Variants in MACROD2 observed in about 807,000 individuals in gnomAD.
MACROD2 encodes mono-ADP ribosylhydrolase 2.
MACROD2 carries 36 observed loss-of-function variants against 70.4 expected under a neutral mutation model. That is an observed-to-expected ratio of 0.51 (90% CI 0.39 to 0.68). The LOEUF (loss-of-function observed/expected upper bound fraction) is 0.68. MACROD2 is among the 30% of genes least tolerant of loss of function. The probability of loss-of-function intolerance (pLI) is 0.00; values close to 1 mark genes in which losing one functional copy is unlikely to be tolerated. For missense variants in MACROD2, 496 were observed against 538.4 expected (o/e 0.92, Z 0.78); for synonymous variants, 172 against 178.8 (o/e 0.96, Z 0.30).
intron 3 of MACROD2, among the ~76,000 whole-genome samples, chr20:14,227,996 A>G (rs1321703793): frequency 2.0e-5 from 3 of 152,138 alleles, no homozygotes; most frequent in Non-Finnish European, 4.4e-5. Context: ...TTACAGTACA[A>G]TTGGGCAAGA....
In MACROD2 at chr20:15,479,434, G is replaced by A. The variant is rs554441421; in HGVS notation, c.572-20340G>A. 5.7e-4 allele frequency among the ~76,000 whole-genome samples: 86 copies of A among 151,328 alleles called. No individual in the cohort carries two copies. The East Asian group carries it at 0.014, about 25-fold the overall frequency. On this transcript the variant is annotated intron_variant, in intron 7 of 17. Transcript: ENST00000684519. ...ACTACAGGCGCCCGCCACTACGCCCGGCTAATTTTTTGTATTTTTAGTAGA... is the reference window on the plus strand; with the variant it reads ...ACTACAGGCGCCCGCCACTACGCCCAGCTAATTTTTTGTATTTTTAGTAGA...
At chr20:14,368,117 AT>A in intron 3 of MACROD2, among the ~76,000 whole-genome samples, 1 of 151,998 alleles carries the variant, frequency 6.6e-6, no homozygotes, top group Middle Eastern at 3.4e-3. Flanking sequence ...TAGCTCTTTG[AT>A]TTTTTAAGGA....
At chr20:14,851,165 A>G (rs2073195470) in intron 5 of MACROD2, among the ~76,000 whole-genome samples, 1 of 151,988 alleles carries the variant, frequency 6.6e-6, no homozygotes, top group South Asian at 2.1e-4. Context: ...CCTTTTATGA[A>G]TTATTTTTTA....
At chr20:15,210,325 T>C (rs539339014) in intron 5 of MACROD2, among the ~76,000 whole-genome samples, 19 of 152,346 alleles carry the variant, frequency 1.2e-4, no homozygotes, top group African/African-American at 4.6e-4. Flanking sequence ...TCTGACTCTT[T>C]CCAGTAGCAC....
chr20:15,383,666 A>G (rs937561486), intron 6 of MACROD2, among the ~76,000 whole-genome samples: 2 of 152,326 alleles, frequency 1.3e-5, no homozygotes, highest in East Asian at 3.9e-4. Flanking sequence ...GCAGCCTTGC[A>G]GCATTGATCT....
At chr20:14,044,312 C>T (rs192876932) in intron 2 of MACROD2, among the ~76,000 whole-genome samples, 4 of 152,160 alleles carry the variant, frequency 2.6e-5, no homozygotes, top group East Asian at 1.9e-4. Flanking sequence ...CAGACCTTCG[C>T]GGTGAGTGTT....
At chr20:14,322,990 G>A (rs867826371) in intron 3 of MACROD2, 2 of 152,252 alleles carry the variant, frequency 1.3e-5, no homozygotes. Flanking sequence ...CAAACTCAAA[G>A]TGTGTATGTG....
chr20:14,283,335 A>T (rs1221849562), intron 3 of MACROD2, among the ~76,000 whole-genome samples: 1 of 152,152 alleles, frequency 6.6e-6, no homozygotes, highest in African/African-American at 2.4e-5. Context: ...CATTTGTGAC[A>T]TTATTGTTCA....
chr20:15,707,249 T>G (rs2050549194), intron 8 of MACROD2, among the ~76,000 whole-genome samples: 1 of 152,162 alleles, frequency 6.6e-6, no homozygotes, highest in Non-Finnish European at 1.5e-5. Flanking sequence ...AGAGATCAAT[T>G]AGCTCATCAC....
At chr20:14,835,668 G>C (rs2073021542) in intron 5 of MACROD2, among the ~76,000 whole-genome samples, 1 of 152,056 alleles carries the variant, frequency 6.6e-6, no homozygotes, top group African/African-American at 2.4e-5. Flanking sequence ...CACTTGCTCA[G>C]ATACTGGACC....
intron 8 of MACROD2, among the ~76,000 whole-genome samples, chr20:15,599,168 C>T (rs1479721378): frequency 6.6e-6 from 1 of 151,206 alleles, no homozygotes; most frequent in African/African-American, 2.4e-5. Flanking sequence ...ATCACGAGGT[C>T]AGGAGATCGA....
chr20:14,971,524 A>G (rs552234970), intron 5 of MACROD2, among the ~76,000 whole-genome samples: 1 of 152,268 alleles, frequency 6.6e-6, no homozygotes, highest in African/African-American at 2.4e-5. Context: ...GATAGTTATT[A>G]AATCACCGCA....
At chr20:14,592,637 C>T (rs1981853277) in intron 4 of MACROD2, among the ~76,000 whole-genome samples, 15 of 152,120 alleles carry the variant, frequency 9.9e-5, no homozygotes, top group Admixed American at 9.8e-4. Flanking sequence ...CCATGTTTCC[C>T]AGGCTAGTCT....
intron 8 of MACROD2, among the ~76,000 whole-genome samples, chr20:15,502,483 A>G (rs62193938): frequency 6.6e-6 from 1 of 152,156 alleles, no homozygotes; most frequent in East Asian, 1.9e-4. Context: ...TCTAGTGGGT[A>G]GTTGTTGAAG....
intron 5 of MACROD2, among the ~76,000 whole-genome samples, chr20:14,861,030 T>A (rs1231945534): frequency 6.6e-6 from 1 of 152,146 alleles, no homozygotes; most frequent in Non-Finnish European, 1.5e-5. Flanking sequence ...TCACAGTTTT[T>A]ATTCTGTTAT....
rs532844660 is a variant in MACROD2 at position 15,843,618 on chromosome 20, T to C, written c.646-19127T>C. Among the ~76,000 whole-genome samples, 10 of 152,302 alleles carry C rather than the reference T, an allele frequency of 6.6e-5. No homozygotes were observed. In the South Asian group the frequency reaches 8.3e-4, roughly 13 times the overall value. ...ATCCAGCAGAGTATTTAGGATAATT[T>C]CTGAAGTGCAAATGTAAAAGTCATG... On this transcript the variant is annotated intron_variant, in intron 8 of 17. Transcript: ENST00000684519.
chr20:14,089,875 C>T (rs2054125017), intron 3 of MACROD2, among the ~76,000 whole-genome samples: 1 of 152,130 alleles, frequency 6.6e-6, no homozygotes, highest in African/African-American at 2.4e-5. Context: ...ATATCAAAAG[C>T]AGATTTTAAA....
At chr20:15,455,928 C>G (rs2046718880) in intron 7 of MACROD2, among the ~76,000 whole-genome samples, 1 of 152,072 alleles carries the variant, frequency 6.6e-6, no homozygotes, top group African/African-American at 2.4e-5. Context: ...GAGCTTTCTC[C>G]TTTGTGAAAT....
At chr20:15,885,333 A>G (rs1487982583) in intron 9 of MACROD2, among the ~76,000 whole-genome samples, 1 of 152,112 alleles carries the variant, frequency 6.6e-6, no homozygotes, top group East Asian at 1.9e-4. Context: ...CGGGGATTTG[A>G]CATGTGTCGG....
Sources: gnomAD v4.1 joint callset for allele counts (sites outside exome capture counted in the v4.1 genomes callset) on GRCh38, gnomAD v4.1.1 for gene constraint, MANE v1.5 for transcripts, NCBI Gene and HGNC (gene_info 2026-07-23, HGNC 2026-07-21) for gene names.